PAX7: variants seen among roughly 807,000 people sequenced by gnomAD.
PAX7 encodes paired box protein Pax-7.
A neutral mutation model predicts 50.7 loss-of-function variants in PAX7; 18 were observed. That is an observed-to-expected ratio of 0.36 (90% confidence interval 0.25 to 0.53). PAX7 has a LOEUF of 0.53. Among genes scored for constraint, PAX7 ranks in the 20% least tolerant of loss-of-function variants. The pLI is 0.93. For missense variants in PAX7, 644 were observed against 702.9 expected (o/e 0.92, Z 0.95); for synonymous variants, 310 against 290.4 (o/e 1.07, Z -0.69).
chr1:18,742,301 G>T (rs1570251685), intron 8 of PAX7, among the ~76,000 whole-genome samples: 1 of 152,072 alleles, frequency 6.6e-6, no homozygotes, highest in South Asian at 2.1e-4. Context: ...GGGACTACTG[G>T]CATGCGCCAC....
chr1:18,737,823 T>C (rs1328966245), intron 8 of PAX7, among the ~76,000 whole-genome samples: 3 of 152,256 alleles, frequency 2.0e-5, no homozygotes, highest in Non-Finnish European at 4.4e-5. Flanking sequence ...TGTGCCTCCA[T>C]GTTTGGCATA....
chr1:18,722,434 T>C lies in PAX7; in HGVS notation c.1156-13198T>C, dbSNP rs143184970. The stretch of plus-strand genomic sequence containing the variant: ...CGTCCCCAGCCTCTTGTTTGTTTGG[T>C]ACGTCAATGCCGTGGGCATGTTTTT... On this transcript the variant is annotated intron_variant, in intron 7 of 8. Coordinates refer to ENST00000420770, the MANE Select transcript of PAX7 (RefSeq NM_001135254.2). Among the ~76,000 whole-genome samples, 9 of 152,298 alleles carry C rather than the reference T, an allele frequency of 5.9e-5. No individual in the cohort carries two copies. In the East Asian group the frequency reaches 1.7e-3, roughly 29 times the overall value.
At chr1:18,643,796 C>A (rs1465044893) in intron 4 of PAX7, among the ~76,000 whole-genome samples, 1 of 152,244 alleles carries the variant, frequency 6.6e-6, no homozygotes, top group Non-Finnish European at 1.5e-5. Flanking sequence ...TGCGATCCTG[C>A]CGCTTAATTA....
chr1:18,702,586 T>A (rs35836654), intron 6 of PAX7, among the ~76,000 whole-genome samples: 14,894 of 152,072 alleles, frequency 0.098, 955 homozygotes, highest in East Asian at 0.32. Context: ...GTTAGGCCAT[T>A]CAAATCCTGG....
At chr1:18,647,317 A>G in intron 4 of PAX7, among the ~76,000 whole-genome samples, 1 of 152,178 alleles carries the variant, frequency 6.6e-6, no homozygotes, top group East Asian at 1.9e-4. Flanking sequence ...TCTGTCGCTA[A>G]GTGCTACATG....
rs1931357908 is a variant in PAX7, at chr1:18,744,814, C to G, written c.1403C>G (p.Thr468Ser). ...TAGGAGAGTCTCTTCTTTTTTCCAG[C>G]TGCTGTTGATTATCTGGCCAAAAAT... Reference protein sequence around the residue: ...AGYQYGQYGQTAVDYLAKNVS... With the variant: ...AGYQYGQYGQSAVDYLAKNVS... Residue 468 changes from threonine (T) to serine (S), a missense_variant and splice_region_variant, in exon 9 of 9, where the codon ACT becomes AGT. Physicochemically the swap from Thr to Ser is moderately conservative, Grantham distance 58. Coordinates refer to ENST00000420770, the MANE Select transcript of PAX7 (RefSeq NM_001135254.2). 6.5e-7 allele frequency: 1 copy of G among 1,542,830 alleles called. No homozygotes were observed. The highest frequency in any genetic ancestry group is 1.4e-5 in the African/African-American group (1 of 72,976).
At chr1:18,643,814 G>A (rs2088296559) in intron 4 of PAX7, among the ~76,000 whole-genome samples, 1 of 152,240 alleles carries the variant, frequency 6.6e-6, no homozygotes, top group Admixed American at 6.5e-5. Context: ...TTAGAGGCGA[G>A]CGAGCTGGGC....
intron 4 of PAX7, among the ~76,000 whole-genome samples, chr1:18,686,127 T>TC (rs1257931886): frequency 6.6e-6 from 1 of 152,216 alleles, no homozygotes; most frequent in Non-Finnish European, 1.5e-5. Context: ...TGGCAGTGTT[T>TC]CCTCCACTGG....
intron 4 of PAX7, among the ~76,000 whole-genome samples, chr1:18,658,066 C>T (rs965794515): frequency 7.9e-5 from 12 of 152,190 alleles, no homozygotes; most frequent in Admixed American, 1.3e-4. Context: ...AAAGGAACTG[C>T]GAGCTGTTTC....
chr1:18,634,656 C>T lies in PAX7; in HGVS notation c.321+118C>T, dbSNP rs543160276. On this transcript the variant is annotated intron_variant, in intron 2 of 8. Transcript: ENST00000420770. The surrounding 1 kb of genome is among the most constrained non-coding windows in gnomAD (Gnocchi z 4.0). ...GTAGGAAAGTACAGCTGGAGGGTGT[C>T]TTCTACTCCCAGATGTCCTCCCATT... 1.4e-6 allele frequency: 1 copy of T among 729,894 alleles called. No homozygotes were observed. The highest frequency in any genetic ancestry group is 2.6e-5 in the East Asian group (1 of 37,830). The allele number at this position is 729,894 out of a possible 1,614,324, so 45.2% of individuals were successfully genotyped here. A position where few individuals can be genotyped will look rare whatever the true frequency, so the allele number is the denominator to read the frequency against.
chr1:18,739,859 G>A (rs1318024063), intron 8 of PAX7, among the ~76,000 whole-genome samples: 2 of 152,196 alleles, frequency 1.3e-5, no homozygotes, highest in Admixed American at 6.5e-5. Context: ...AGATTAATAC[G>A]GCCCTGGTGT....
intron 7 of PAX7, among the ~76,000 whole-genome samples, chr1:18,727,088 C>T (rs2089581357): frequency 6.6e-6 from 1 of 152,080 alleles, no homozygotes; most frequent in Non-Finnish European, 1.5e-5. Flanking sequence ...ACACACAATA[C>T]TCACAGAAAC....
At chr1:18,651,934 GA>G (rs1356954620) in intron 4 of PAX7, among the ~76,000 whole-genome samples, 1 of 151,534 alleles carries the variant, frequency 6.6e-6, no homozygotes, top group Non-Finnish European at 1.5e-5. Context: ...AGCCTGGTTT[GA>G]AAGGGGAAGT....
rs141777709 is a variant in PAX7 at position 18,696,719 on chromosome 1, A to G, written c.787-3934A>G. 6.8e-3 allele frequency among the ~76,000 whole-genome samples: 1,041 copies of G among 152,088 alleles called. 2 individuals carry two copies. The highest frequency in any genetic ancestry group is 7.5e-3 in the Admixed American group (114 of 15,258). On this transcript the variant is annotated intron_variant, in intron 5 of 8. Coordinates refer to ENST00000420770, the MANE Select transcript of PAX7 (RefSeq NM_001135254.2). ...TTAAGGCAATTGAGCTCATGGAGATAGAGAGTAGAAGGATGGTTACCAGAG... is the reference window on the plus strand; with the variant it reads ...TTAAGGCAATTGAGCTCATGGAGATGGAGAGTAGAAGGATGGTTACCAGAG...
chr1:18,637,038 C>G (rs1377932094), intron 4 of PAX7, among the ~76,000 whole-genome samples: 2 of 152,202 alleles, frequency 1.3e-5, no homozygotes, highest in South Asian at 2.1e-4. Flanking sequence ...GTCGGAGGAT[C>G]GCAGTGGGGG....
intron 4 of PAX7, among the ~76,000 whole-genome samples, chr1:18,666,773 T>G (rs949506568): frequency 1.3e-5 from 2 of 152,186 alleles, no homozygotes; most frequent in African/African-American, 4.8e-5. Context: ...GGAGACAGGC[T>G]TTGAAAGTGA....
chr1:18,697,023 T>C (rs560475979), intron 5 of PAX7, among the ~76,000 whole-genome samples: 1 of 152,170 alleles, frequency 6.6e-6, no homozygotes, highest in South Asian at 2.1e-4. Flanking sequence ...CCTATAAATA[T>C]GCATGCCTAC....
intron 4 of PAX7, among the ~76,000 whole-genome samples, chr1:18,663,507 C>T (rs536481927): frequency 9.8e-5 from 15 of 152,316 alleles, no homozygotes; most frequent in African/African-American, 3.4e-4. Context: ...CTCAGCCTCT[C>T]GAGTAGCTGG....
intron 4 of PAX7, among the ~76,000 whole-genome samples, chr1:18,676,055 C>T (rs537847446): frequency 6.6e-6 from 1 of 152,202 alleles, no homozygotes; most frequent in Non-Finnish European, 1.5e-5. Context: ...AATAAGCCAC[C>T]TCGCCCAGCT....
Sources: gnomAD v4.1 joint callset for allele counts (sites outside exome capture counted in the v4.1 genomes callset) on GRCh38, gnomAD v4.1.1 for gene constraint, Gnocchi (gnomAD v3.1) non-coding constraint, MANE v1.5 for transcripts, NCBI Gene and HGNC (gene_info 2026-07-23, HGNC 2026-07-21) for gene names.